Variants in SGCZ observed in about 807,000 individuals in gnomAD.
The protein encoded by SGCZ is zeta-sarcoglycan.
Under a neutral mutation model 41.3 loss-of-function variants are expected in SGCZ, and 40 were observed. The ratio of observed to expected loss-of-function variants is 0.97; its 90% CI spans 0.75 to 1.26. The LOEUF (loss-of-function observed/expected upper bound fraction) is 1.26, where lower values mean the gene tolerates loss of function less well. SGCZ is among the 50% of genes most tolerant of loss of function. The probability of loss-of-function intolerance (pLI) is 0.00; values close to 1 mark genes in which losing one functional copy is unlikely to be tolerated. For missense variants in SGCZ, 552 were observed against 369.8 expected (o/e 1.49, Z -4.04); for synonymous variants, 206 against 137.5 (o/e 1.50, Z -3.49).
chr8:15,141,521 T>C (rs539385897), intron 1 of SGCZ, among the ~76,000 whole-genome samples: 136 of 152,334 alleles, frequency 8.9e-4, no homozygotes, highest in African/African-American at 3.0e-3. Flanking sequence ...GTACTCTCAA[T>C]GATGATAAAT....
chr8:14,665,256 T>C (rs1200461359), intron 1 of SGCZ, among the ~76,000 whole-genome samples: 1 of 151,670 alleles, frequency 6.6e-6, no homozygotes, highest in Non-Finnish European at 1.5e-5. Flanking sequence ...AGTGAGAAAA[T>C]GTGGTGTATG....
intron 1 of SGCZ, among the ~76,000 whole-genome samples, chr8:14,647,671 CAAATAT>C (rs1216263483): frequency 2.0e-5 from 3 of 151,812 alleles, no homozygotes; most frequent in African/African-American, 7.3e-5. Context: ...ATGTGTCATT[CAAATAT>C]AAATAATCTA....
At chr8:14,206,999 T>G (rs1805637652) in intron 4 of SGCZ, among the ~76,000 whole-genome samples, 1 of 152,186 alleles carries the variant, frequency 6.6e-6, no homozygotes, top group Non-Finnish European at 1.5e-5. Flanking sequence ...CACTGACATC[T>G]TATTTTCTGA....
intron 3 of SGCZ, among the ~76,000 whole-genome samples, chr8:14,258,230 G>T (rs543037473): frequency 1.9e-5 from 2 of 104,116 alleles, no homozygotes; most frequent in Admixed American, 1.9e-4. Flanking sequence ...CATGTATGAA[G>T]ATTATAATGA....
chr8:14,090,573 G>A lies in SGCZ; in HGVS notation c.809C>T (p.Ser270Leu), dbSNP rs149935102. ...CTGTCGAGAACTTGAGGAGCTGGGT[G>A]AAGAAGATGAGAAGGAGCCAGTTGG... ...NLPTGSFSSS[S>L]PSSSSSRQTV... Residue 270 changes from serine to leucine, a missense_variant, in exon 8 of 8, where the codon TCA (serine) becomes TTA (leucine). Transcript: ENST00000382080. 9 of 1,612,774 alleles carry A rather than the reference G, an allele frequency of 5.6e-6. No homozygotes were observed. The Admixed American group carries it at 6.7e-5, about 12-fold the overall frequency.
At chr8:15,065,871 A>G (rs553233098) in intron 1 of SGCZ, among the ~76,000 whole-genome samples, 1 of 152,330 alleles carries the variant, frequency 6.6e-6, no homozygotes, top group South Asian at 2.1e-4. Flanking sequence ...GTGCAGTAAT[A>G]TATTTTTGAA....
At chr8:14,930,439 G>C (rs961920008) in intron 1 of SGCZ, among the ~76,000 whole-genome samples, 2 of 152,014 alleles carry the variant, frequency 1.3e-5, no homozygotes, top group Non-Finnish European at 2.9e-5. Context: ...GATTCCTCAA[G>C]GATCTAGAAC....
intron 1 of SGCZ, among the ~76,000 whole-genome samples, chr8:15,205,582 A>G (rs1265902979): frequency 1.3e-5 from 2 of 152,184 alleles, no homozygotes; most frequent in Non-Finnish European, 2.9e-5. Context: ...CACAATGGCT[A>G]TTAATAAAAA....
At chr8:14,613,193 G>A (rs1222592558) in intron 1 of SGCZ, among the ~76,000 whole-genome samples, 1 of 152,036 alleles carries the variant, frequency 6.6e-6, no homozygotes, top group Admixed American at 6.6e-5. Context: ...CTAAATGAGA[G>A]GTCACAACAT....
At position 14,399,629 on chromosome 8, in the gene SGCZ, C is replaced by T. The variant is rs563554904; in HGVS notation, c.235-75425G>A. On this transcript the variant is annotated intron_variant, in intron 2 of 7. Transcript: ENST00000382080. ...TATTTTGCAAATGCAAAATTGTGTG[C>T]CCTTTATTCAACTGTATAATGAATA... Among the ~76,000 whole-genome samples, 26 of 151,948 alleles carry T rather than the reference C, an allele frequency of 1.7e-4. No individual in the cohort carries two copies. The South Asian group carries it at 4.8e-3, about 28-fold the overall frequency.
At chr8:14,677,592 G>C (rs867617763) in intron 1 of SGCZ, among the ~76,000 whole-genome samples, 19 of 152,094 alleles carry the variant, frequency 1.2e-4, no homozygotes, top group African/African-American at 4.3e-4. Context: ...CAAATACAGT[G>C]AAACCCAGTC....
chr8:14,879,955 C>A (rs1804524139), intron 1 of SGCZ: 1 of 152,150 alleles, frequency 6.6e-6, no homozygotes, highest in South Asian at 2.1e-4. Flanking sequence ...ATTCTCCTGT[C>A]TCAGCCTCCC....
At chr8:15,155,745 A>C (rs1372473395) in intron 1 of SGCZ, among the ~76,000 whole-genome samples, 1 of 152,166 alleles carries the variant, frequency 6.6e-6, no homozygotes, top group African/African-American at 2.4e-5. Flanking sequence ...TGCAGAAAAA[A>C]TGTATATAGC....
intron 1 of SGCZ, among the ~76,000 whole-genome samples, chr8:14,814,046 T>C (rs992612487): frequency 1.3e-5 from 2 of 152,166 alleles, no homozygotes; most frequent in Non-Finnish European, 2.9e-5. Context: ...TAGCACAGTA[T>C]GCAGCACTTA....
intron 3 of SGCZ, among the ~76,000 whole-genome samples, chr8:14,252,589 G>A (rs1260018517): frequency 2.0e-5 from 3 of 152,076 alleles, no homozygotes; most frequent in Non-Finnish European, 4.4e-5. Context: ...CAGGATTAAG[G>A]GTTAAGGAAG....
At chr8:15,221,007 C>T (rs377342134) in intron 1 of SGCZ, among the ~76,000 whole-genome samples, 5 of 152,036 alleles carry the variant, frequency 3.3e-5, no homozygotes, top group East Asian at 1.9e-4. Context: ...ACACAGGGGC[C>T]GGTCGTCGGG....
intron 2 of SGCZ, among the ~76,000 whole-genome samples, chr8:14,327,749 A>G (rs762300157): frequency 3.9e-5 from 6 of 152,194 alleles, no homozygotes; most frequent in Non-Finnish European, 8.8e-5. Context: ...TAAATTAGAT[A>G]AAACAGAATT....
At chr8:14,781,348 C>A (rs1800581567) in intron 1 of SGCZ, among the ~76,000 whole-genome samples, 1 of 152,110 alleles carries the variant, frequency 6.6e-6, no homozygotes, top group South Asian at 2.1e-4. Flanking sequence ...TCTTTCTCTG[C>A]CTCCGGAGGA....
Position 14,102,505 on chromosome 8 carries a change from G to A in SGCZ, c.621-6C>T. 4 of 1,383,232 alleles carry A rather than the reference G, an allele frequency of 2.9e-6. No individual in the cohort carries two copies. Among genetic ancestry groups the A allele is most frequent in the Admixed American group, 2.7e-5 (1 of 37,466 alleles). 85.7% of individuals were successfully genotyped at this position (1,383,232 alleles called of 1,614,324 possible). On this transcript the variant is annotated splice_polypyrimidine_tract_variant and splice_region_variant and intron_variant, in intron 6 of 7. Transcript: ENST00000382080. ...ATCTGGTGGGTGATTCAAGCCTAAG[G>A]GAAAAACAAAAAATCATTAATAGGA...
Sources: allele counts gnomAD v4.1 joint callset (sites outside exome capture counted in the v4.1 genomes callset), GRCh38; gene constraint gnomAD v4.1.1; transcripts MANE v1.5; gene names NCBI Gene and HGNC (gene_info 2026-07-23, HGNC 2026-07-21).